The following ZC2HC1A variants were observed in gnomAD, a reference collection of about 807,000 sequenced individuals.
ZC2HC1A encodes the protein zinc finger C2HC-type containing 1A.
Under a neutral mutation model 40.7 loss-of-function variants are expected in ZC2HC1A, and 28 were observed. The ratio of observed to expected loss-of-function variants is 0.69; its 90% CI spans 0.51 to 0.94. The LOEUF is 0.94. Ranked by LOEUF, ZC2HC1A falls within the 40% of genes least tolerant of loss-of-function variation. The probability of loss-of-function intolerance (pLI) is 0.00; values close to 1 mark genes in which losing one functional copy is unlikely to be tolerated. For missense variants in ZC2HC1A, 389 were observed against 386.3 expected, an observed-to-expected ratio of 1.01 and a Z score of -0.06; for synonymous variants, 129 against 129.2, an observed-to-expected ratio of 1.00 and a Z score of 0.01.
rs371630671 is a variant in ZC2HC1A, at chr8:78,686,601, T to C, written c.345T>C (p.Tyr115=). Residue 115 remains tyrosine, a synonymous_variant, in exon 4 of 9, where the codon TAT becomes TAC. Transcript: ENST00000263849. ...TTCCTCCTCCTCCTCCACCTTCTTA[T>C]GATCCTGGTATTTGGAATATTGTTG... ...GKLPPPPPPS[Y]DPDYIQCPYC... The C allele has an allele frequency of 6.6e-6, 10 of 1,509,752 alleles. No homozygotes were observed. In the Admixed American group the frequency reaches 8.5e-5, roughly 13 times the overall value. The allele number at this position is 1,509,752 out of a possible 1,614,324, so 93.5% of individuals were successfully genotyped here. A position where few individuals can be genotyped will look rare whatever the true frequency, so the allele number is the denominator to read the frequency against.
At position 78,687,560 on chromosome 8, in the gene ZC2HC1A, A is replaced by G. The variant is rs1021359190; in HGVS notation, c.352+952A>G. Among the ~76,000 whole-genome samples, 40 of 143,152 alleles carry G rather than the reference A, an allele frequency of 2.8e-4. No homozygotes were observed. In the South Asian group the frequency reaches 4.2e-3, roughly 15 times the overall value. The allele number at this position is 143,152 out of a possible 152,430, so 93.9% of individuals were successfully genotyped here. ...TTTATATAATAAATTTTATATTTAC[A>G]TAATAAATTATATATATTTACGTAA... On this transcript the variant is annotated intron_variant, in intron 4 of 8. Coordinates refer to ENST00000263849, the MANE Select transcript of ZC2HC1A (RefSeq NM_016010.3).
chr8:78,684,728 C>T (rs899213866), intron 3 of ZC2HC1A, among the ~76,000 whole-genome samples: 12 of 151,936 alleles, frequency 7.9e-5, no homozygotes, highest in African/African-American at 2.9e-4. Context: ...GCTCTTGAGA[C>T]ATAGCAATGA....
chr8:78,686,190 C>T (rs1006999658), intron 3 of ZC2HC1A, among the ~76,000 whole-genome samples: 1 of 152,104 alleles, frequency 6.6e-6, no homozygotes, highest in African/African-American at 2.4e-5. Context: ...TGAACCACAG[C>T]AACAGTCTTA....
intron 5 of ZC2HC1A, among the ~76,000 whole-genome samples, chr8:78,690,317 T>C (rs781407977): frequency 1.3e-5 from 2 of 152,176 alleles, no homozygotes; most frequent in Non-Finnish European, 2.9e-5. Context: ...CCCAGCACTT[T>C]GGGAGGCCAA....
At position 78,719,430 on chromosome 8, in the gene ZC2HC1A, T is replaced by TA. The variant is rs1485107392; in HGVS notation, c.*1938dup. The TA allele has an allele frequency of 6.6e-6, 1 of 151,762 alleles. No individual in the cohort carries two copies. The highest frequency in any genetic ancestry group is 6.6e-5 in the Admixed American group (1 of 15,244). 9.4% of individuals were successfully genotyped at this position (151,762 alleles called of 1,614,324 possible). A position where few individuals can be genotyped will look rare whatever the true frequency, so the allele number is the denominator to read the frequency against. On this transcript the variant is annotated 3_prime_UTR_variant, in exon 9 of 9. Transcript: ENST00000263849. ...CAGTAGGTGAAATAGATTTATGACTTACGAAATATGTTGTGACAATATATT... is the reference window on the plus strand; with the variant it reads ...CAGTAGGTGAAATAGATTTATGACTTAACGAAATATGTTGTGACAATATATT...
intron 3 of ZC2HC1A, among the ~76,000 whole-genome samples, chr8:78,679,789 TTGA>T (rs1809708048): frequency 6.6e-6 from 1 of 152,148 alleles, no homozygotes; most frequent in African/African-American, 2.4e-5. Context: ...AAAAAATCAT[TTGA>T]TGATAGAAAA....
intron 7 of ZC2HC1A, 109 bp from the exon 8 acceptor site, chr8:78,715,112 G>T: frequency 2.2e-6 from 2 of 896,476 alleles, no homozygotes; most frequent in East Asian, 5.5e-5. Flanking sequence ...TTAATCTTTT[G>T]AACTTCTCTG....
At chr8:78,712,048 G>T (rs1810966194) in intron 7 of ZC2HC1A, 1 of 1,289,704 alleles carries the variant, frequency 7.8e-7, no homozygotes, top group Admixed American at 2.3e-5. Context: ...AAGGTTGTAT[G>T]ACAGTGATAC....
At chr8:78,682,189 G>C (rs1431023101) in intron 3 of ZC2HC1A, among the ~76,000 whole-genome samples, 5 of 152,076 alleles carry the variant, frequency 3.3e-5, no homozygotes, top group Admixed American at 6.5e-5. Flanking sequence ...ATGTTTAGTG[G>C]AGGACACTAG....
chr8:78,717,656 T>A lies in ZC2HC1A; in HGVS notation c.*163T>A. On this transcript the variant is annotated 3_prime_UTR_variant, in exon 9 of 9. Coordinates refer to ENST00000263849, the MANE Select transcript of ZC2HC1A (RefSeq NM_016010.3). ...TTTTGGCTATATAATGTGTGTATGT[T>A]TATATGTGTACATATACTGTATATA... 1.5e-6 allele frequency: 1 copy of A among 670,850 alleles called. No homozygotes were observed. Among genetic ancestry groups the A allele is most frequent in the Non-Finnish European group, 2.4e-6 (1 of 415,800 alleles). 41.6% of individuals were successfully genotyped at this position (670,850 alleles called of 1,614,324 possible).
At chr8:78,714,846 T>G (rs1361853850) in intron 7 of ZC2HC1A, among the ~76,000 whole-genome samples, 2 of 152,208 alleles carry the variant, frequency 1.3e-5, no homozygotes, top group Non-Finnish European at 2.9e-5. Context: ...CCTAGAATAA[T>G]GAAACTTGTT....
chr8:78,692,357 T>C (rs1197218215), intron 5 of ZC2HC1A, among the ~76,000 whole-genome samples: 1 of 152,164 alleles, frequency 6.6e-6, no homozygotes, highest in African/African-American at 2.4e-5. Flanking sequence ...TTATTTATTA[T>C]TACTATTTTT....
At chr8:78,670,718 A>T (rs569209220) in intron 1 of ZC2HC1A, among the ~76,000 whole-genome samples, 40 of 152,294 alleles carry the variant, frequency 2.6e-4, no homozygotes, top group African/African-American at 9.6e-4. Flanking sequence ...GTAGAATTCT[A>T]TGGTTAAAGA....
At chr8:78,676,125 TAAA>T (rs145824687) in intron 2 of ZC2HC1A, 2 of 194,972 alleles carry the variant, frequency 1.0e-5, no homozygotes, top group East Asian at 9.1e-5. Flanking sequence ...ACAAACAAAA[TAAA>T]AAAAAAAAAA....
intron 7 of ZC2HC1A, among the ~76,000 whole-genome samples, chr8:78,700,871 A>G (rs914793804): frequency 1.5e-4 from 23 of 151,896 alleles, no homozygotes; most frequent in African/African-American, 5.3e-4. Context: ...ATGTTCCAGT[A>G]CCATGCTGTT....
rs1284182806 is a variant in ZC2HC1A at position 78,719,590 on chromosome 8, A to G, written c.*2097A>G. The G allele has an allele frequency of 6.6e-6, 1 of 151,822 alleles. No individual in the cohort carries two copies. The highest frequency in any genetic ancestry group is 1.5e-5 in the Non-Finnish European group (1 of 67,718). 9.4% of individuals were successfully genotyped at this position (151,822 alleles called of 1,614,324 possible). A position where few individuals can be genotyped will look rare whatever the true frequency, so the allele number is the denominator to read the frequency against. ...AAGTATTTGACAGTATGGTAGAATA[A>G]AAGATGATTGTAAGATTAAAAATGT... On this transcript the variant is annotated 3_prime_UTR_variant, in exon 9 of 9. Transcript: ENST00000263849.
At chr8:78,673,526 C>G (rs1176761212) in intron 1 of ZC2HC1A, among the ~76,000 whole-genome samples, 1 of 152,154 alleles carries the variant, frequency 6.6e-6, no homozygotes, top group African/African-American at 2.4e-5. Flanking sequence ...ATTTACACTC[C>G]TACCAACAGT....
rs1811159411 is a variant in ZC2HC1A at position 78,717,994 on chromosome 8, G to A, written c.*501G>A. On this transcript the variant is annotated 3_prime_UTR_variant, in exon 9 of 9. Transcript: ENST00000263849. ...TTTTAGTTACCATTAGGTATGTTAA[G>A]GTCACTCCTGTAGAGCATGTCAACA... 1 of 152,044 alleles carries A rather than the reference G, an allele frequency of 6.6e-6. No individual in the cohort carries two copies. Among genetic ancestry groups the A allele is most frequent in the African/African-American group, 2.4e-5 (1 of 41,378 alleles). 9.4% of individuals were successfully genotyped at this position (152,044 alleles called of 1,614,324 possible).
rs541885661 is a variant in ZC2HC1A at position 78,719,221 on chromosome 8, T to G, written c.*1728T>G. ...TGTTTTATCTAATACTGAGCACTGT[T>G]TTTTTGTCAAGTATTTTTTTAAGAC... On this transcript the variant is annotated 3_prime_UTR_variant, in exon 9 of 9. Coordinates refer to ENST00000263849, the MANE Select transcript of ZC2HC1A (RefSeq NM_016010.3). 4.2e-4 allele frequency: 39 copies of G among 93,926 alleles called. No homozygotes were observed. The highest frequency in any genetic ancestry group is 3.3e-3 in the Admixed American group (26 of 7,842). 5.8% of individuals were successfully genotyped at this position (93,926 alleles called of 1,614,324 possible).
Sources: allele counts gnomAD v4.1 joint callset (sites outside exome capture counted in the v4.1 genomes callset), GRCh38; gene constraint gnomAD v4.1.1; transcripts MANE v1.5; gene names NCBI Gene and HGNC (gene_info 2026-07-23, HGNC 2026-07-21).